TMEM132C: variants seen among roughly 807,000 people sequenced by gnomAD.
TMEM132C encodes the protein protein phosphatase 1, regulatory subunit 152.
In TMEM132C, 29 loss-of-function variants were observed where a neutral mutation model predicts 61.4. That is an observed-to-expected ratio of 0.47 (90% CI 0.35 to 0.64). The LOEUF (loss-of-function observed/expected upper bound fraction) is 0.64, where lower values mean the gene tolerates loss of function less well. TMEM132C is among the 30% of genes least tolerant of loss of function. TMEM132C has a pLI of 0.00. For missense variants in TMEM132C, 1,408 were observed against 1,476.9 expected (o/e 0.95, Z 0.76); for synonymous variants, 656 against 633.1 (o/e 1.04, Z -0.54).
chr12:128,510,429 A>C (rs1872530152), intron 2 of TMEM132C, among the ~76,000 whole-genome samples: 1 of 152,234 alleles, frequency 6.6e-6, no homozygotes, highest in Non-Finnish European at 1.5e-5. Flanking sequence ...TTTTAAAAAA[A>C]TAAACAACAA....
chr12:128,401,700 G>A (rs968464196), intron 1 of TMEM132C, among the ~76,000 whole-genome samples: 33 of 152,122 alleles, frequency 2.2e-4, no homozygotes, highest in Admixed American at 5.9e-4. Context: ...GTTTAAGATC[G>A]GCTCTTTGCT....
At chr12:128,392,073 TC>T (rs1874785527) in intron 1 of TMEM132C, among the ~76,000 whole-genome samples, 1 of 144,282 alleles carries the variant, frequency 6.9e-6, no homozygotes, top group Non-Finnish European at 1.5e-5. Flanking sequence ...TTTCTCTCTC[TC>T]TCTCTCTCTC....
intron 2 of TMEM132C, among the ~76,000 whole-genome samples, chr12:128,503,350 C>T (rs1020959270): frequency 3.3e-5 from 5 of 151,730 alleles, no homozygotes; most frequent in African/African-American, 1.2e-4. Flanking sequence ...GGCGAGGAGC[C>T]GAGGTTTCTG....
intron 1 of TMEM132C, among the ~76,000 whole-genome samples, chr12:128,334,768 T>A (rs371241294): frequency 2.4e-4 from 37 of 152,158 alleles, no homozygotes; most frequent in East Asian, 2.1e-3. Context: ...GCTAATTTTT[T>A]TGTAGTTTTA....
In TMEM132C at chr12:128,326,355, T is replaced by G. The variant is rs578092827; in HGVS notation, c.85+58868T>G. ...GTTGTTTTCCAAGTGTAGCAGGGTTTCACTTTTCGAGCTGCCAGATCTGCT... is the reference window on the plus strand; with the variant it reads ...GTTGTTTTCCAAGTGTAGCAGGGTTGCACTTTTCGAGCTGCCAGATCTGCT... On this transcript the variant is annotated intron_variant, in intron 1 of 8. Transcript: ENST00000435159. This position sits in a 1 kb window ranked among gnomAD's most constrained non-coding sequence, Gnocchi z 5.6. 3.9e-5 allele frequency among the ~76,000 whole-genome samples: 6 copies of G among 152,312 alleles called. No individual in the cohort carries two copies. The South Asian group carries it at 1.2e-3, about 32-fold the overall frequency.
intron 2 of TMEM132C, among the ~76,000 whole-genome samples, chr12:128,471,560 AG>A (rs1870954019): frequency 6.6e-6 from 1 of 152,200 alleles, no homozygotes; most frequent in Non-Finnish European, 1.5e-5. Context: ...TCTTTGCTAA[AG>A]GGGATTAAAA....
chr12:128,358,384 G>C (rs1303872002), intron 1 of TMEM132C, among the ~76,000 whole-genome samples: 1 of 152,106 alleles, frequency 6.6e-6, no homozygotes, highest in East Asian at 1.9e-4. Context: ...GCAAAACCAA[G>C]CTAAGTGTAT....
At chr12:128,501,627 T>TA (rs1872183555) in intron 2 of TMEM132C, among the ~76,000 whole-genome samples, 1 of 152,220 alleles carries the variant, frequency 6.6e-6, no homozygotes, top group Non-Finnish European at 1.5e-5. Flanking sequence ...GAGCTTCAAT[T>TA]ATGCCCTGGC....
intron 4 of TMEM132C, among the ~76,000 whole-genome samples, chr12:128,636,667 A>G (rs1266049058): frequency 6.6e-6 from 1 of 151,366 alleles, no homozygotes; most frequent in African/African-American, 2.4e-5. Context: ...ATAACACCCT[A>G]TTATTAATAC....
chr12:128,445,754 G>A (rs12307790), intron 2 of TMEM132C, among the ~76,000 whole-genome samples: 16,098 of 152,176 alleles, frequency 0.11, 1,190 homozygotes, highest in African/African-American at 0.2. Context: ...AAAAGTCTGC[G>A]GGGAATAAGA....
chr12:128,471,990 G>A (rs967303899), intron 2 of TMEM132C, among the ~76,000 whole-genome samples: 4 of 152,136 alleles, frequency 2.6e-5, no homozygotes, highest in East Asian at 1.9e-4. Context: ...AAATCAAACC[G>A]CACTGGCTGG....
intron 1 of TMEM132C, among the ~76,000 whole-genome samples, chr12:128,307,246 A>G (rs1284671655): frequency 6.6e-6 from 1 of 152,184 alleles, no homozygotes; most frequent in African/African-American, 2.4e-5. Context: ...GGGAGAAGTA[A>G]TAGCTTCTTC....
At chr12:128,384,986 C>G (rs761521067) in intron 1 of TMEM132C, among the ~76,000 whole-genome samples, 2 of 152,236 alleles carry the variant, frequency 1.3e-5, no homozygotes, top group Non-Finnish European at 2.9e-5. Flanking sequence ...CAAAGTCCAG[C>G]CTCCTGTCTT....
intron 1 of TMEM132C, among the ~76,000 whole-genome samples, chr12:128,317,336 T>C (rs1429025932): frequency 6.6e-6 from 1 of 152,230 alleles, no homozygotes; most frequent in African/African-American, 2.4e-5. Flanking sequence ...AACACGTTTA[T>C]CTGTTCAAGC....
chr12:128,506,180 C>G (rs1248971702), intron 2 of TMEM132C, among the ~76,000 whole-genome samples: 1 of 152,204 alleles, frequency 6.6e-6, no homozygotes, highest in Non-Finnish European at 1.5e-5. Context: ...AGACACGTCT[C>G]TAGACATCAT....
intron 1 of TMEM132C, among the ~76,000 whole-genome samples, chr12:128,388,590 A>G (rs1320125043): frequency 6.6e-6 from 1 of 152,142 alleles, no homozygotes; most frequent in Non-Finnish European, 1.5e-5. Flanking sequence ...TGAGCTCCGC[A>G]GCCTCTGACC....
At chr12:128,531,252 T>C (rs1476942116) in intron 2 of TMEM132C, among the ~76,000 whole-genome samples, 1 of 149,336 alleles carries the variant, frequency 6.7e-6, no homozygotes, top group Non-Finnish European at 1.5e-5. Flanking sequence ...ATTTGATGAG[T>C]CACTGATAGG....
At chr12:128,484,490 C>A (rs953108603) in intron 2 of TMEM132C, among the ~76,000 whole-genome samples, 3 of 152,142 alleles carry the variant, frequency 2.0e-5, no homozygotes, top group Non-Finnish European at 4.4e-5. Flanking sequence ...TTTCTGTGTT[C>A]TGGCCGAATC....
chr12:128,484,320 G>A (rs1316253082), intron 2 of TMEM132C, among the ~76,000 whole-genome samples: 1 of 152,154 alleles, frequency 6.6e-6, no homozygotes, highest in African/African-American at 2.4e-5. Flanking sequence ...TGAAACATGG[G>A]GGAGGAAGGG....
Sources: allele counts gnomAD v4.1 joint callset (sites outside exome capture counted in the v4.1 genomes callset), GRCh38; gene constraint gnomAD v4.1.1; non-coding constraint Gnocchi (gnomAD v3.1); transcripts MANE v1.5; gene names NCBI Gene and HGNC (gene_info 2026-07-23, HGNC 2026-07-21).